PABPC4L: variants seen among roughly 807,000 people sequenced by gnomAD.
The protein encoded by PABPC4L is polyadenylate-binding protein 4-like.
For missense variants in PABPC4L, 452 were observed against 451.4 expected (o/e 1.00, Z -0.01); for synonymous variants, 169 against 164.1 (o/e 1.03, Z -0.23).
chr4:134,185,306 G>A, the PABPC4L span, among the ~76,000 whole-genome samples: 32 of 152,016 alleles, frequency 2.1e-4, no homozygotes, highest in African/African-American at 6.5e-4. Flanking sequence ...CTGGCAAACC[G>A]GATCCAGCAG....
At chr4:134,127,919 T>C in the PABPC4L span, among the ~76,000 whole-genome samples, 1 of 151,878 alleles carries the variant, frequency 6.6e-6, no homozygotes, top group Non-Finnish European at 1.5e-5. Context: ...TGATACAGGA[T>C]ATGAATGAAA....
chr4:134,148,978 A>G, the PABPC4L span, among the ~76,000 whole-genome samples: 1 of 152,106 alleles, frequency 6.6e-6, no homozygotes, highest in African/African-American at 2.4e-5. Flanking sequence ...AATATTCTCA[A>G]TTGCATCACT....
chr4:134,072,642 T>C, the PABPC4L span, among the ~76,000 whole-genome samples: 2 of 152,136 alleles, frequency 1.3e-5, no homozygotes, highest in East Asian at 1.9e-4. Context: ...TTAGCCTTTG[T>C]ATTAGTCCAT....
chr4:134,131,580 G>T, the PABPC4L span, among the ~76,000 whole-genome samples: 1 of 151,680 alleles, frequency 6.6e-6, no homozygotes, highest in Non-Finnish European at 1.5e-5. Flanking sequence ...CCATGCTCAT[G>T]GATGGGTAGA....
chr4:133,954,635 A>G, the PABPC4L span, among the ~76,000 whole-genome samples: 16 of 152,030 alleles, frequency 1.1e-4, no homozygotes, highest in Admixed American at 5.9e-4. Flanking sequence ...TAGGCCTAGA[A>G]TTCTTGTTTC....
the PABPC4L span, among the ~76,000 whole-genome samples, chr4:134,130,754 T>C: frequency 2.0e-5 from 3 of 151,966 alleles, no homozygotes; most frequent in African/African-American, 7.2e-5. Flanking sequence ...TGAACATAGA[T>C]GCAAAAATTC....
At chr4:134,093,951 AT>A in the PABPC4L span, among the ~76,000 whole-genome samples, 4 of 151,538 alleles carry the variant, frequency 2.6e-5, no homozygotes, top group African/African-American at 7.2e-5. Flanking sequence ...ATATATTTAT[AT>A]TTTTAAAAAT....
the PABPC4L span, among the ~76,000 whole-genome samples, chr4:133,960,359 G>C: frequency 6.6e-6 from 1 of 152,144 alleles, no homozygotes; most frequent in Non-Finnish European, 1.5e-5. Flanking sequence ...ACCTGGAGCT[G>C]AGACAATTTA....
the PABPC4L span, among the ~76,000 whole-genome samples, chr4:133,989,251 C>T: frequency 6.6e-6 from 1 of 152,164 alleles, no homozygotes; most frequent in Admixed American, 6.6e-5. Context: ...AATTTCTCCT[C>T]AGAAAATGGG....
chr4:134,078,852 G>C, the PABPC4L span, among the ~76,000 whole-genome samples: 4 of 148,352 alleles, frequency 2.7e-5, no homozygotes, highest in Non-Finnish European at 5.9e-5. Flanking sequence ...TTTTTTAGTC[G>C]AGACGGGGTT....
At chr4:133,983,508 A>G in the PABPC4L span, among the ~76,000 whole-genome samples, 1 of 151,880 alleles carries the variant, frequency 6.6e-6, no homozygotes, top group Admixed American at 6.6e-5. Flanking sequence ...GAAAGAAATA[A>G]TAACACAATT....
the PABPC4L span, among the ~76,000 whole-genome samples, chr4:133,970,019 TCAAAGAA>T: frequency 6.7e-6 from 1 of 148,646 alleles, no homozygotes; most frequent in African/African-American, 2.4e-5. Flanking sequence ...TCTTGTTAAA[TCAAAGAA>T]ATATATATAT....
At chr4:134,000,370 A>G in the PABPC4L span, among the ~76,000 whole-genome samples, 1 of 152,144 alleles carries the variant, frequency 6.6e-6, no homozygotes, top group South Asian at 2.1e-4. Flanking sequence ...GAAGACTATA[A>G]CAGCCAACAA....
chr4:134,140,619 A>C, the PABPC4L span, among the ~76,000 whole-genome samples: 3 of 151,860 alleles, frequency 2.0e-5, no homozygotes, highest in Non-Finnish European at 4.4e-5. Context: ...TTGCTTAATT[A>C]GTTGTCTCAC....
At chr4:134,045,301 A>T in the PABPC4L span, among the ~76,000 whole-genome samples, 1 of 152,120 alleles carries the variant, frequency 6.6e-6, no homozygotes, top group Admixed American at 6.6e-5. Flanking sequence ...ATTATTCATT[A>T]CCTTTTTCTT....
At chr4:134,056,473 G>A in the PABPC4L span, among the ~76,000 whole-genome samples, 2 of 151,840 alleles carry the variant, frequency 1.3e-5, no homozygotes, top group Admixed American at 1.3e-4. Context: ...CATGAGCATA[G>A]TATTTCTTTG....
At chr4:134,147,566 C>T in the PABPC4L span, among the ~76,000 whole-genome samples, 1 of 152,034 alleles carries the variant, frequency 6.6e-6, no homozygotes, top group Non-Finnish European at 1.5e-5. Flanking sequence ...ACCACACATT[C>T]ATTACATATA....
At chr4:134,190,796 T>G in the PABPC4L span, among the ~76,000 whole-genome samples, 1 of 151,966 alleles carries the variant, frequency 6.6e-6, no homozygotes, top group Non-Finnish European at 1.5e-5. Flanking sequence ...CAGTTACAGG[T>G]GCACCTCACC....
the PABPC4L span, among the ~76,000 whole-genome samples, chr4:134,147,744 T>G: frequency 1.5e-4 from 12 of 81,894 alleles, no homozygotes; most frequent in African/African-American, 8.8e-4. Flanking sequence ...TGTGTGTGTG[T>G]GTGTGTGTTG....
Sources: gnomAD v4.1 joint callset for allele counts (sites outside exome capture counted in the v4.1 genomes callset) on GRCh38, gnomAD v4.1.1 for gene constraint, MANE v1.5 for transcripts, NCBI Gene and HGNC (gene_info 2026-07-23, HGNC 2026-07-21) for gene names.